Variants in QTMAN observed in about 807,000 individuals in gnomAD.
QTMAN encodes queuosine-tRNA mannosyltransferase.
the QTMAN span, among the ~76,000 whole-genome samples, chr2:144,092,874 T>TGTGTGC: frequency 7.8e-6 from 1 of 128,720 alleles, no homozygotes; most frequent in African/African-American, 2.8e-5. Context: ...TTTTGGGGTG[T>TGTGTGC]GTGTGTGTGT....
At chr2:143,953,264 G>A in the QTMAN span, among the ~76,000 whole-genome samples, 3 of 151,714 alleles carry the variant, frequency 2.0e-5, no homozygotes, top group Non-Finnish European at 4.4e-5. Context: ...CTTTAGCACT[G>A]TCGCTGTAGA....
At chr2:144,134,654 G>A in the QTMAN span, among the ~76,000 whole-genome samples, 2 of 152,232 alleles carry the variant, frequency 1.3e-5, no homozygotes, top group African/African-American at 2.4e-5. Context: ...ATGAAATTCT[G>A]TTGTAGTGAT....
At chr2:144,022,316 G>A in the QTMAN span, among the ~76,000 whole-genome samples, 1 of 150,580 alleles carries the variant, frequency 6.6e-6, no homozygotes, top group Non-Finnish European at 1.5e-5. Flanking sequence ...ATATGATGGG[G>A]TCTTACTCTG....
the QTMAN span, among the ~76,000 whole-genome samples, chr2:144,116,857 G>C: frequency 6.6e-6 from 1 of 152,168 alleles, no homozygotes. Flanking sequence ...GTCAGAACAA[G>C]AGCTCAGGTC....
chr2:143,984,762 G>A, the QTMAN span, among the ~76,000 whole-genome samples: 1 of 152,188 alleles, frequency 6.6e-6, no homozygotes, highest in Non-Finnish European at 1.5e-5. Flanking sequence ...GGACGTTGGA[G>A]ACTATGGTCA....
At chr2:144,136,060 T>G in the QTMAN span, among the ~76,000 whole-genome samples, 3 of 152,096 alleles carry the variant, frequency 2.0e-5, no homozygotes, top group African/African-American at 4.8e-5. Flanking sequence ...GCAAGGTGGC[T>G]CATGGTTGTA....
the QTMAN span, among the ~76,000 whole-genome samples, chr2:144,245,582 T>A: frequency 6.6e-6 from 1 of 152,210 alleles, no homozygotes; most frequent in Non-Finnish European, 1.5e-5. Context: ...ATTATTTTCA[T>A]CTACAATTCT....
the QTMAN span, chr2:144,011,718 G>A: frequency 1.0e-6 from 1 of 983,972 alleles, no homozygotes; most frequent in African/African-American, 1.8e-5. Context: ...CAGAATGTTT[G>A]TGCTGTCCTG....
the QTMAN span, among the ~76,000 whole-genome samples, chr2:144,010,555 G>A: frequency 1.3e-5 from 2 of 152,046 alleles, no homozygotes; most frequent in East Asian, 1.9e-4. Flanking sequence ...TTGATTCAGC[G>A]AACTGATGCC....
At chr2:144,212,909 T>C in the QTMAN span, among the ~76,000 whole-genome samples, 14 of 152,192 alleles carry the variant, frequency 9.2e-5, no homozygotes, top group Non-Finnish European at 1.6e-4. Flanking sequence ...TAAGTCAAAG[T>C]GATAGCTGTG....
chr2:144,022,222 C>T, the QTMAN span, among the ~76,000 whole-genome samples: 1 of 152,018 alleles, frequency 6.6e-6, no homozygotes, highest in Non-Finnish European at 1.5e-5. Flanking sequence ...CCATCTGGAA[C>T]TCCTATTAGA....
At chr2:144,181,768 G>C in the QTMAN span, among the ~76,000 whole-genome samples, 16 of 152,160 alleles carry the variant, frequency 1.1e-4, no homozygotes, top group South Asian at 3.1e-3. Context: ...CTTAGATCAT[G>C]CCACTGCACT....
the QTMAN span, among the ~76,000 whole-genome samples, chr2:144,137,019 A>T: frequency 6.6e-6 from 1 of 152,150 alleles, no homozygotes; most frequent in South Asian, 2.1e-4. Flanking sequence ...GGGAGATTTT[A>T]AAAAGATAGC....
chr2:144,103,843 A>C, the QTMAN span, among the ~76,000 whole-genome samples: 1 of 152,168 alleles, frequency 6.6e-6, no homozygotes, highest in Non-Finnish European at 1.5e-5. Flanking sequence ...TAATCCCAGC[A>C]CTTTGGGAGG....
the QTMAN span, among the ~76,000 whole-genome samples, chr2:144,181,383 G>T: frequency 1.3e-5 from 2 of 151,980 alleles, no homozygotes; most frequent in African/African-American, 2.4e-5. Flanking sequence ...AGTTTTTTAG[G>T]AACTAAGTAA....
chr2:143,990,830 T>C, the QTMAN span, among the ~76,000 whole-genome samples: 1 of 152,108 alleles, frequency 6.6e-6, no homozygotes, highest in Non-Finnish European at 1.5e-5. Flanking sequence ...ACTAAAATTA[T>C]CAAACATGGG....
At chr2:144,300,033 T>A in the QTMAN span, among the ~76,000 whole-genome samples, 1 of 152,262 alleles carries the variant, frequency 6.6e-6, no homozygotes, top group African/African-American at 2.4e-5. Flanking sequence ...GCAAATGCCG[T>A]ATGATTCAAC....
the QTMAN span, among the ~76,000 whole-genome samples, chr2:144,016,581 T>C: frequency 3.3e-5 from 5 of 152,210 alleles, no homozygotes; most frequent in South Asian, 1.0e-3. Context: ...AATAAAGCAT[T>C]GATGGAAACC....
the QTMAN span, among the ~76,000 whole-genome samples, chr2:143,979,183 C>T: frequency 1.1e-4 from 16 of 151,466 alleles, no homozygotes; most frequent in African/African-American, 3.9e-4. Flanking sequence ...AAAACCCTCA[C>T]TGGATGGGCT....
Sources: allele counts gnomAD v4.1 joint callset (sites outside exome capture counted in the v4.1 genomes callset), GRCh38; gene constraint gnomAD v4.1.1; transcripts MANE v1.5; gene names NCBI Gene and HGNC (gene_info 2026-07-23, HGNC 2026-07-21).